Variants in PRKG2 observed in about 807,000 individuals in gnomAD.
PRKG2 encodes protein kinase cGMP-dependent 2, also known as cGMP-dependent protein kinase 2.
A neutral mutation model predicts 97.2 loss-of-function variants in PRKG2; 33 were observed. The ratio of observed to expected loss-of-function variants is 0.34; its 90% CI spans 0.26 to 0.45. The LOEUF (loss-of-function observed/expected upper bound fraction) is 0.45, where lower values mean the gene tolerates loss of function less well. PRKG2 is among the 20% of genes least tolerant of loss of function. PRKG2 has a pLI of 1.00. For synonymous variants in PRKG2, 330 were observed against 321.8 expected (o/e 1.03, Z -0.27); for missense variants, 638 against 900.0 (o/e 0.71, Z 3.73).
chr4:81,145,075 C>T (rs1478086294), intron 9 of PRKG2, among the ~76,000 whole-genome samples: 1 of 152,080 alleles, frequency 6.6e-6, no homozygotes, highest in Non-Finnish European at 1.5e-5. Flanking sequence ...CATACATGTG[C>T]ATGAGTCTTT....
intron 9 of PRKG2, among the ~76,000 whole-genome samples, chr4:81,146,230 A>G (rs189264818): frequency 3.5e-4 from 53 of 152,338 alleles, no homozygotes; most frequent in African/African-American, 1.2e-3. Flanking sequence ...TTTTCTAAAT[A>G]GAGGTGAGAT....
rs1438630894 is a variant in PRKG2, at chr4:81,167,240, G to A, written c.849-16C>T. ...CAAGGATACACTTCAAAATTAAAAA[G>A]AAACCTTCAATTACCTTCCTGAATT... On this transcript the variant is annotated splice_polypyrimidine_tract_variant and intron_variant, in intron 5 of 18. Coordinates refer to ENST00000264399, the MANE Select transcript of PRKG2 (RefSeq NM_006259.3). 3.3e-6 allele frequency: 5 copies of A among 1,523,532 alleles called. No homozygotes were observed. Among genetic ancestry groups the A allele is most frequent in the African/African-American group, 1.4e-5 (1 of 71,616 alleles). The allele number at this position is 1,523,532 out of a possible 1,614,324, so 94.4% of individuals were successfully genotyped here.
intron 4 of PRKG2, among the ~76,000 whole-genome samples, chr4:81,170,158 A>G (rs1427066110): frequency 6.6e-6 from 1 of 152,070 alleles, no homozygotes; most frequent in East Asian, 1.9e-4. Flanking sequence ...AGATAATTGA[A>G]AGTTAAAGCT....
At chr4:81,206,976 G>A (rs1182367107) in intron 1 of PRKG2, among the ~76,000 whole-genome samples, 2 of 152,186 alleles carry the variant, frequency 1.3e-5, no homozygotes, top group Non-Finnish European at 2.9e-5. Context: ...AGCCTTTGGA[G>A]AATTGCCTTA....
intron 15 of PRKG2, among the ~76,000 whole-genome samples, chr4:81,106,519 A>G (rs1158042093): frequency 6.6e-6 from 1 of 152,208 alleles, no homozygotes; most frequent in African/African-American, 2.4e-5. Flanking sequence ...GATCTAAATT[A>G]GAGCAGCCAG....
chr4:81,090,311 T>A (rs1039069528), intron 18 of PRKG2, among the ~76,000 whole-genome samples: 1 of 151,714 alleles, frequency 6.6e-6, no homozygotes, highest in Non-Finnish European at 1.5e-5. Context: ...TGAGCTGAGA[T>A]CACACCACTG....
intron 14 of PRKG2, among the ~76,000 whole-genome samples, chr4:81,121,879 T>C (rs1745105062): frequency 6.6e-6 from 1 of 152,216 alleles, no homozygotes; most frequent in Non-Finnish European, 1.5e-5. Flanking sequence ...GCTATCAGTA[T>C]AGACAGGCAG....
chr4:81,178,908 C>A (rs752186572), intron 2 of PRKG2, among the ~76,000 whole-genome samples: 46 of 151,992 alleles, frequency 3.0e-4, no homozygotes, highest in Non-Finnish European at 6.3e-4. Flanking sequence ...GGGCAGATTA[C>A]AAAGTCAAGA....
At chr4:81,175,001 A>G in intron 2 of PRKG2, 42 bp from the exon 3 acceptor site, 1 of 1,500,596 alleles carries the variant, frequency 6.7e-7, no homozygotes, top group Non-Finnish European at 9.1e-7. Flanking sequence ...ATTAATGAAA[A>G]TCATGTTTTA....
At chr4:81,160,963 C>A (rs1219413111) in intron 6 of PRKG2, among the ~76,000 whole-genome samples, 2 of 152,152 alleles carry the variant, frequency 1.3e-5, no homozygotes, top group Non-Finnish European at 2.9e-5. Flanking sequence ...ATTATTTATA[C>A]AAACAAAAGT....
upstream of PRKG2, among the ~76,000 whole-genome samples, chr4:81,217,029 T>TTATATATA (rs1754297696): frequency 1.1e-5 from 1 of 88,170 alleles, no homozygotes; most frequent in Non-Finnish European, 2.2e-5. Context: ...TGTATATATT[T>TTATATATA]TGTATATATA....
intron 10 of PRKG2, among the ~76,000 whole-genome samples, chr4:81,143,534 G>A (rs1356727216): frequency 6.6e-6 from 1 of 151,914 alleles, no homozygotes; most frequent in Admixed American, 6.6e-5. Context: ...TTTTAATTAA[G>A]GTTTACCGGT....
intron 14 of PRKG2, among the ~76,000 whole-genome samples, chr4:81,133,451 C>T (rs1452112739): frequency 6.6e-6 from 1 of 152,088 alleles, no homozygotes; most frequent in African/African-American, 2.4e-5. Flanking sequence ...TCTAGACCAC[C>T]TAGGATTGCT....
At chr4:81,100,902 G>A (rs1030181615) in intron 17 of PRKG2, among the ~76,000 whole-genome samples, 13 of 152,208 alleles carry the variant, frequency 8.5e-5, no homozygotes, top group East Asian at 1.9e-4. Context: ...ACAAGTGGGC[G>A]AAGGATATGA....
At chr4:81,111,732 G>C (rs1176148840) in intron 14 of PRKG2, among the ~76,000 whole-genome samples, 1 of 152,106 alleles carries the variant, frequency 6.6e-6, no homozygotes, top group Non-Finnish European at 1.5e-5. Context: ...AGCTACAGAA[G>C]GGCCCCTCAT....
chr4:81,207,308 G>C (rs1365293995), intron 1 of PRKG2, among the ~76,000 whole-genome samples: 1 of 152,086 alleles, frequency 6.6e-6, no homozygotes, highest in Non-Finnish European at 1.5e-5. Flanking sequence ...AGTATTCTTA[G>C]GTCAGTAGAG....
At chr4:81,132,076 G>C (rs1560565179) in intron 14 of PRKG2, among the ~76,000 whole-genome samples, 1 of 150,984 alleles carries the variant, frequency 6.6e-6, no homozygotes, top group African/African-American at 2.4e-5. Flanking sequence ...TGCCATTTAG[G>C]TTTTTTTTCA....
At chr4:81,094,468 C>T (rs1320712004) in intron 17 of PRKG2, among the ~76,000 whole-genome samples, 1 of 152,036 alleles carries the variant, frequency 6.6e-6, no homozygotes, top group Non-Finnish European at 1.5e-5. Context: ...AGAGAAGCTA[C>T]ACAGCTTAAA....
chr4:81,152,070 C>A lies in PRKG2; in HGVS notation c.991-16G>T. 1 of 1,567,962 alleles carries A rather than the reference C, an allele frequency of 6.4e-7. No homozygotes were observed. The highest frequency in any genetic ancestry group is 8.7e-7 in the Non-Finnish European group (1 of 1,143,474). Reference sequence around the variant, plus strand: ...TTACTTTTACCTAAACAATGTTAAGCAATACAAACAGAAAGAGACTGAAGA... The same window carrying A: ...TTACTTTTACCTAAACAATGTTAAGAAATACAAACAGAAAGAGACTGAAGA... On this transcript the variant is annotated splice_polypyrimidine_tract_variant and intron_variant, in intron 7 of 18. Transcript: ENST00000264399.
Sources: allele counts gnomAD v4.1 joint callset (sites outside exome capture counted in the v4.1 genomes callset), GRCh38; gene constraint gnomAD v4.1.1; transcripts MANE v1.5; gene names NCBI Gene and HGNC (gene_info 2026-07-23, HGNC 2026-07-21).